Variants in GALNTL6 observed in about 807,000 individuals in gnomAD.
The protein encoded by GALNTL6 is polypeptide N-acetylgalactosaminyltransferase like 6.
A neutral mutation model predicts 73.7 loss-of-function variants in GALNTL6; 46 were observed. The ratio of observed to expected loss-of-function variants is 0.62; its 90% CI spans 0.49 to 0.80. GALNTL6 has a LOEUF of 0.80. Ranked by LOEUF, GALNTL6 falls within the 30% of genes least tolerant of loss-of-function variation. The pLI, the probability that GALNTL6 is intolerant of heterozygous loss-of-function variation, is 0.00. For synonymous variants in GALNTL6, 259 were observed against 263.7 expected (o/e 0.98, Z 0.17); for missense variants, 604 against 755.0 (o/e 0.80, Z 2.34).
intron 2 of GALNTL6, among the ~76,000 whole-genome samples, chr4:172,146,735 T>G (rs1358337637): frequency 2.0e-5 from 3 of 152,206 alleles, no homozygotes; most frequent in African/African-American, 7.2e-5. Flanking sequence ...AGGGACCCAG[T>G]GCAGAGTCAC....
chr4:172,515,972 A>G (rs532957384), intron 5 of GALNTL6, among the ~76,000 whole-genome samples: 1 of 152,304 alleles, frequency 6.6e-6, no homozygotes, highest in African/African-American at 2.4e-5. Flanking sequence ...AGGAATTAGT[A>G]ACTCTATATG....
intron 2 of GALNTL6, among the ~76,000 whole-genome samples, chr4:171,923,710 G>T (rs116182260): frequency 6.6e-6 from 1 of 150,766 alleles, no homozygotes; most frequent in Non-Finnish European, 1.5e-5. Context: ...TTTTTAAAAA[G>T]GCTTACTGGA....
At chr4:172,563,033 A>G (rs1736432915) in intron 5 of GALNTL6, among the ~76,000 whole-genome samples, 1 of 152,196 alleles carries the variant, frequency 6.6e-6, no homozygotes. Flanking sequence ...GGGTTGACCC[A>G]TACCTTTATT....
At chr4:172,349,990 G>A (rs563400245) in intron 5 of GALNTL6, among the ~76,000 whole-genome samples, 21 of 152,110 alleles carry the variant, frequency 1.4e-4, no homozygotes, top group African/African-American at 5.1e-4. Context: ...GAAAAACAAT[G>A]TAAATGGCAT....
intron 5 of GALNTL6, among the ~76,000 whole-genome samples, chr4:172,600,514 A>G (rs1738016861): frequency 6.6e-6 from 1 of 151,964 alleles, no homozygotes. Flanking sequence ...GGAGGTAACT[A>G]TACAGAGAAA....
At chr4:172,924,552 C>G (rs148350119) in intron 8 of GALNTL6, among the ~76,000 whole-genome samples, 8 of 152,142 alleles carry the variant, frequency 5.3e-5, no homozygotes, top group African/African-American at 1.9e-4. Flanking sequence ...GTGAGTTAAG[C>G]TGAAATCTGG....
intron 5 of GALNTL6, among the ~76,000 whole-genome samples, chr4:172,407,678 G>A (rs1000955940): frequency 2.6e-5 from 4 of 151,996 alleles, no homozygotes; most frequent in Admixed American, 2.0e-4. Flanking sequence ...GATGATTCAG[G>A]CACAAGGTCC....
At chr4:172,938,995 G>A (rs1222602377) in intron 9 of GALNTL6, among the ~76,000 whole-genome samples, 2 of 152,166 alleles carry the variant, frequency 1.3e-5, no homozygotes, top group Non-Finnish European at 2.9e-5. Context: ...CTCCTGACTT[G>A]GTCACAGTTT....
chr4:172,456,595 G>T (rs947176247), intron 5 of GALNTL6, among the ~76,000 whole-genome samples: 1 of 151,610 alleles, frequency 6.6e-6, no homozygotes, highest in African/African-American at 2.4e-5. Flanking sequence ...CAGAAGAAAG[G>T]ATATCAGAGA....
chr4:171,904,685 A>G (rs998738353), intron 2 of GALNTL6, among the ~76,000 whole-genome samples: 5 of 152,218 alleles, frequency 3.3e-5, no homozygotes, highest in East Asian at 1.9e-4. Context: ...TCCAAGACAC[A>G]TAATTATCAG....
At chr4:172,270,674 C>G (rs1369230357) in intron 3 of GALNTL6, among the ~76,000 whole-genome samples, 1 of 151,954 alleles carries the variant, frequency 6.6e-6, no homozygotes, top group African/African-American at 2.4e-5. Context: ...CTGCCAAAGA[C>G]AGTTAAACTA....
chr4:172,435,325 A>T (rs1392287661), intron 5 of GALNTL6, among the ~76,000 whole-genome samples: 3 of 152,168 alleles, frequency 2.0e-5, no homozygotes, highest in Non-Finnish European at 2.9e-5. Flanking sequence ...GAAAGAAAAC[A>T]AGGAAAAAAT....
chr4:172,174,239 A>C (rs2110829893), intron 2 of GALNTL6, among the ~76,000 whole-genome samples: 1 of 152,330 alleles, frequency 6.6e-6, no homozygotes, highest in East Asian at 1.9e-4. Flanking sequence ...GAATAATCAG[A>C]AGGTACCATG....
intron 5 of GALNTL6, among the ~76,000 whole-genome samples, chr4:172,641,280 A>G (rs1739963202): frequency 6.6e-6 from 1 of 151,954 alleles, no homozygotes; most frequent in Non-Finnish European, 1.5e-5. Flanking sequence ...AGACTATATT[A>G]CTCTTCTATT....
chr4:172,666,215 CA>C (rs935037274), intron 5 of GALNTL6, among the ~76,000 whole-genome samples: 90 of 151,632 alleles, frequency 5.9e-4, no homozygotes, highest in African/African-American at 1.4e-3. Context: ...TATAATACTT[CA>C]AAAAAAAATT....
At chr4:172,827,346 G>A (rs944034732) in intron 7 of GALNTL6, among the ~76,000 whole-genome samples, 5 of 152,200 alleles carry the variant, frequency 3.3e-5, no homozygotes, top group Middle Eastern at 3.4e-3. Context: ...CACCCTTTGC[G>A]GGTTACAGAG....
At chr4:172,958,443 G>A (rs960202033) in intron 10 of GALNTL6, among the ~76,000 whole-genome samples, 1 of 152,172 alleles carries the variant, frequency 6.6e-6, no homozygotes, top group Admixed American at 6.5e-5. Context: ...GGAACAGAAA[G>A]AGGAGTGGGG....
intron 2 of GALNTL6, among the ~76,000 whole-genome samples, chr4:171,890,546 T>G (rs1328285257): frequency 6.6e-6 from 1 of 152,130 alleles, no homozygotes; most frequent in Admixed American, 6.6e-5. Flanking sequence ...AATAAAATAA[T>G]GGAGAAAATT....
At chr4:172,103,737 G>A (rs1490070469) in intron 2 of GALNTL6, among the ~76,000 whole-genome samples, 1 of 152,146 alleles carries the variant, frequency 6.6e-6, no homozygotes, top group Non-Finnish European at 1.5e-5. Context: ...TAGAAGAAAA[G>A]GAATCTTCTT....
Sources: gnomAD v4.1 joint callset for allele counts (sites outside exome capture counted in the v4.1 genomes callset) on GRCh38, gnomAD v4.1.1 for gene constraint, MANE v1.5 for transcripts, NCBI Gene and HGNC (gene_info 2026-07-23, HGNC 2026-07-21) for gene names.